The following STIM1 variants were observed in gnomAD, a reference collection of about 807,000 sequenced individuals.
STIM1 encodes stromal interaction molecule 1.
In STIM1, 25 loss-of-function variants were observed where a neutral mutation model predicts 74.7. That is an observed-to-expected ratio of 0.33 (90% CI 0.24 to 0.47). The LOEUF is 0.47. STIM1 is among the 20% of genes least tolerant of loss of function. The pLI is 1.00. For synonymous variants in STIM1, 328 were observed against 348.8 expected (o/e 0.94, Z 0.66); for missense variants, 728 against 920.8 (o/e 0.79, Z 2.71).
chr11:3,998,018 A>G (rs1217475639), intron 2 of STIM1, among the ~76,000 whole-genome samples: 1 of 152,184 alleles, frequency 6.6e-6, no homozygotes, highest in Non-Finnish European at 1.5e-5. Flanking sequence ...TTCCTTACAT[A>G]TGAGGGATCA....
chr11:3,968,411 C>T (rs1008666059), intron 2 of STIM1, among the ~76,000 whole-genome samples: 1 of 152,168 alleles, frequency 6.6e-6, no homozygotes, highest in Non-Finnish European at 1.5e-5. Flanking sequence ...AGTTATATCA[C>T]GATGGGGGAG....
chr11:4,048,210 G>C (rs1325626748), intron 3 of STIM1, among the ~76,000 whole-genome samples: 1 of 152,152 alleles, frequency 6.6e-6, no homozygotes, highest in Admixed American at 6.5e-5. Flanking sequence ...AACTTTTTTG[G>C]CTTCTTGCTG....
chr11:3,875,644 T>G (rs1370310111), intron 1 of STIM1, among the ~76,000 whole-genome samples: 1 of 151,420 alleles, frequency 6.6e-6, no homozygotes, highest in Admixed American at 6.6e-5. Context: ...GAGGATTGCT[T>G]GAGCCTGGGA....
chr11:4,070,233 G>A (rs1201923912), intron 6 of STIM1, 30 bp downstream of exon 6: 1 of 1,612,798 alleles, frequency 6.2e-7, no homozygotes, highest in South Asian at 1.1e-5. Flanking sequence ...GAAAGGTGAG[G>A]CCCTGCCAGT....
intron 1 of STIM1, among the ~76,000 whole-genome samples, chr11:3,858,886 T>G (rs1466843045): frequency 6.6e-6 from 1 of 152,210 alleles, no homozygotes; most frequent in Non-Finnish European, 1.5e-5. Context: ...AGAAACCTGG[T>G]CCTGTGCTTG....
At chr11:3,988,108 T>C (rs2093574449) in intron 2 of STIM1, among the ~76,000 whole-genome samples, 1 of 152,116 alleles carries the variant, frequency 6.6e-6, no homozygotes, top group African/African-American at 2.4e-5. Context: ...TTTCCTGCTG[T>C]TGAGTGTTTG....
chr11:3,943,933 A>G (rs562296322), intron 1 of STIM1, among the ~76,000 whole-genome samples: 33 of 152,392 alleles, frequency 2.2e-4, no homozygotes, highest in African/African-American at 7.5e-4. Context: ...TAGTCAAAGG[A>G]TATCTTCATC....
At chr11:3,927,664 G>A (rs750525) in intron 1 of STIM1, among the ~76,000 whole-genome samples, 53,878 of 151,916 alleles carry the variant, frequency 0.35, 9,793 homozygotes, top group South Asian at 0.49. Flanking sequence ...CAGCAGGGCC[G>A]GTTATATTAC....
rs570974820 is a variant in STIM1, at chr11:4,058,474, C to G, written c.498-807C>G. ...TAAAGCTATGCATCAGAAAAGAGCA[C>G]CAATCTTATAGAGTAGTATAGAATT... On this transcript the variant is annotated intron_variant, in intron 4 of 12. Transcript: ENST00000526596. 4.6e-5 allele frequency among the ~76,000 whole-genome samples: 7 copies of G among 152,266 alleles called. No individual in the cohort carries two copies. The South Asian group carries it at 1.5e-3, about 32-fold the overall frequency.
At chr11:4,009,397 G>T (rs2093814172) in intron 2 of STIM1, among the ~76,000 whole-genome samples, 1 of 152,008 alleles carries the variant, frequency 6.6e-6, no homozygotes, top group South Asian at 2.1e-4. Flanking sequence ...CAGATCACTT[G>T]AGATCAGGAG....
intron 1 of STIM1, chr11:3,892,887 CG>C: frequency 6.6e-7 from 1 of 1,521,052 alleles, no homozygotes; most frequent in East Asian, 2.3e-5. Context: ...GGGTTAACCA[CG>C]GCTGATAGTA....
chr11:3,914,246 C>T (rs1260533922), intron 1 of STIM1, among the ~76,000 whole-genome samples: 1 of 151,912 alleles, frequency 6.6e-6, no homozygotes, highest in Non-Finnish European at 1.5e-5. Flanking sequence ...TTACGTCTTG[C>T]TTATTTCACT....
chr11:3,950,972 A>C (rs540480190), intron 1 of STIM1, among the ~76,000 whole-genome samples: 4 of 152,284 alleles, frequency 2.6e-5, no homozygotes, highest in African/African-American at 9.6e-5. Context: ...TTGGTAGAGG[A>C]TGAGTTTGAA....
intron 1 of STIM1, among the ~76,000 whole-genome samples, chr11:3,930,107 T>A (rs7950153): frequency 6.6e-6 from 1 of 151,946 alleles, no homozygotes; most frequent in Non-Finnish European, 1.5e-5. Context: ...CAAGTGGAAA[T>A]GCTTAGCATT....
chr11:3,945,190 G>A (rs2093057229), intron 1 of STIM1, among the ~76,000 whole-genome samples: 1 of 152,134 alleles, frequency 6.6e-6, no homozygotes, highest in African/African-American at 2.4e-5. Context: ...GAGAATAATG[G>A]CAACTGCCTC....
In STIM1 at chr11:4,084,736, C is replaced by G. The variant is rs995030712; in HGVS notation, c.1538C>G (p.Ser513Trp). 1 of 1,289,402 alleles carries G rather than the reference C, an allele frequency of 7.8e-7. No individual in the cohort carries two copies. The highest frequency in any genetic ancestry group is 1.0e-6 in the Non-Finnish European group (1 of 988,884). The allele number at this position is 1,289,402 out of a possible 1,614,324, so 79.9% of individuals were successfully genotyped here. Residue 513 changes from serine (S) to tryptophan (W), a missense_variant, in exon 11 of 13, where the codon TCG (serine) becomes TGG (tryptophan). Physicochemically the swap from Ser to Trp is radical, Grantham distance 177 (BLOSUM62 -3). Coordinates refer to ENST00000526596, the MANE Select transcript of STIM1 (RefSeq NM_001382567.1). The stretch of plus-strand genomic sequence containing the variant: ...TCTCTCTGCTCTACATCCGCCGGCT[C>G]GGATGATCAGTCCCTCTGGAAATAC... ...DRSLCSTSAG[S>W]DDQSLWKYPA...
intron 1 of STIM1, among the ~76,000 whole-genome samples, chr11:3,900,123 C>A (rs900641294): frequency 4.6e-5 from 7 of 152,170 alleles, no homozygotes; most frequent in Admixed American, 6.5e-5. Context: ...TCTGCCTAAG[C>A]AAGCCTGGGC....
At chr11:3,951,757 C>T (rs555714885) in intron 1 of STIM1, among the ~76,000 whole-genome samples, 1 of 152,252 alleles carries the variant, frequency 6.6e-6, no homozygotes, top group Admixed American at 6.5e-5. Flanking sequence ...CCAACACTTT[C>T]AGCAAACTTT....
At chr11:3,937,480 T>C (rs1365233915) in intron 1 of STIM1, among the ~76,000 whole-genome samples, 1 of 152,194 alleles carries the variant, frequency 6.6e-6, no homozygotes, top group Non-Finnish European at 1.5e-5. Flanking sequence ...AAGAATCTTA[T>C]TGGCCTGCTA....
Sources: gnomAD v4.1 joint callset for allele counts (sites outside exome capture counted in the v4.1 genomes callset) on GRCh38, gnomAD v4.1.1 for gene constraint, MANE v1.5 for transcripts, NCBI Gene and HGNC (gene_info 2026-07-23, HGNC 2026-07-21) for gene names.